GBP7: variants seen among roughly 807,000 people sequenced by gnomAD.
The protein encoded by GBP7 is guanylate-binding protein 7.
GBP7 carries 43 observed loss-of-function variants against 61.3 expected under a neutral mutation model. That is an observed-to-expected ratio of 0.70 (90% CI 0.55 to 0.91). The LOEUF (loss-of-function observed/expected upper bound fraction) is 0.91. Among genes scored for constraint, GBP7 ranks in the 40% least tolerant of loss-of-function variants. The probability of loss-of-function intolerance (pLI) is 0.00; values close to 1 mark genes in which losing one functional copy is unlikely to be tolerated. For missense variants in GBP7, 717 were observed against 740.5 expected, an observed-to-expected ratio of 0.97 and a Z score of 0.37; for synonymous variants, 267 against 271.0, an observed-to-expected ratio of 0.99 and a Z score of 0.14.
At chr1:89,173,955 G>C (rs1222228268) in intron 1 of GBP7, among the ~76,000 whole-genome samples, 1 of 151,990 alleles carries the variant, frequency 6.6e-6, no homozygotes, top group African/African-American at 2.4e-5. Flanking sequence ...TCTGGTTTAC[G>C]CTTCTTGGAT....
At chr1:89,162,321 AT>A (rs1366661804) in intron 3 of GBP7, among the ~76,000 whole-genome samples, 2 of 152,140 alleles carry the variant, frequency 1.3e-5, no homozygotes, top group Non-Finnish European at 2.9e-5. Flanking sequence ...AAGAATCTCA[AT>A]GGTAGTTTAA....
At position 89,133,330 on chromosome 1, in the gene GBP7, G is replaced by T. The variant is rs115671591; in HGVS notation, c.1590C>A (p.Leu530=). Residue 530 remains leucine, a synonymous_variant, in exon 10 of 11, where the codon CTC becomes CTA. Coordinates refer to ENST00000294671, the MANE Select transcript of GBP7 (RefSeq NM_207398.3). Reference sequence around the variant, plus strand: ...CCCTTTCCCTCTCCATCTTCTTCTTGAGTTGAGCTATGTTTTCCTGGAAAC... The same window carrying T: ...CCCTTTCCCTCTCCATCTTCTTCTTTAGTTGAGCTATGTTTTCCTGGAAAC... ...ERSFQENIAQ[L]KKKMEREREN... is the part of the protein sequence containing the mutation. The T allele has an allele frequency of 0.024, 38,533 of 1,613,392 alleles. 562 individuals carry two copies. Among genetic ancestry groups the T allele is most frequent in the Middle Eastern group, 0.056 (340 of 6,062 alleles).
At chr1:89,143,033 G>T (rs537208935) in intron 8 of GBP7, among the ~76,000 whole-genome samples, 1 of 152,282 alleles carries the variant, frequency 6.6e-6, no homozygotes, top group African/African-American at 2.4e-5. Flanking sequence ...TCTTTTAAGT[G>T]AATGTATATA....
chr1:89,148,353 G>A (rs997894256), intron 7 of GBP7, among the ~76,000 whole-genome samples: 12 of 152,318 alleles, frequency 7.9e-5, no homozygotes, highest in African/African-American at 2.4e-4. Context: ...CAGTGCCAAT[G>A]GCAGATTTAA....
chr1:89,166,243 T>C (rs931153408), intron 2 of GBP7, among the ~76,000 whole-genome samples: 6 of 152,194 alleles, frequency 3.9e-5, no homozygotes, highest in African/African-American at 1.4e-4. Flanking sequence ...TTCATCTTCA[T>C]GTAGTGATTC....
At chr1:89,159,777 G>T (rs533243192) in intron 3 of GBP7, among the ~76,000 whole-genome samples, 9 of 152,348 alleles carry the variant, frequency 5.9e-5, no homozygotes, top group Non-Finnish European at 1.2e-4. Flanking sequence ...CCGTAATCTA[G>T]TTCAACCATG....
chr1:89,132,454 C>G, intron 10 of GBP7, 51 bp from the exon 11 acceptor site: 1 of 1,392,502 alleles, frequency 7.2e-7, no homozygotes, highest in Non-Finnish European at 9.8e-7. Flanking sequence ...TTTAAGAGAC[C>G]GAGGTTTGTA....
At chr1:89,151,378 A>T (rs1042413276) in intron 5 of GBP7, among the ~76,000 whole-genome samples, 1 of 152,234 alleles carries the variant, frequency 6.6e-6, no homozygotes, top group African/African-American at 2.4e-5. Flanking sequence ...CCATGTCAGA[A>T]ATGAAATGTT....
At position 89,141,520 on chromosome 1, in the gene GBP7, C is replaced by T. The variant is rs759381138; in HGVS notation, c.1468+26G>A. On this transcript the variant is annotated intron_variant, in intron 9 of 10. Transcript: ENST00000294671. ...GTGTTGCAAGAACCTACCCATTTGC[C>T]TGAGAGCTGAGCCCTGCCCCTGTAC... 5 of 1,602,510 alleles carry T rather than the reference C, an allele frequency of 3.1e-6. No homozygotes were observed. The African/African-American group carries it at 6.7e-5, about 21-fold the overall frequency.
chr1:89,133,215 T>A (rs774927436), intron 10 of GBP7, 43 bp downstream of exon 10: 5 of 1,491,872 alleles, frequency 3.4e-6, no homozygotes, highest in Non-Finnish European at 4.6e-6. Flanking sequence ...AATGAGGAAC[T>A]GGCATTGTGC....
At chr1:89,175,329 C>G (rs1253606706) in intron 1 of GBP7, among the ~76,000 whole-genome samples, 1 of 152,134 alleles carries the variant, frequency 6.6e-6, no homozygotes, top group Non-Finnish European at 1.5e-5. Context: ...CCCATTTCCT[C>G]TTATAGCAAT....
rs1440641210 is a variant in GBP7, at chr1:89,150,507, TC to T, written c.693del (p.Lys232SerfsTer9). On this transcript the variant is annotated frameshift_variant, in exon 6 of 11. Transcript: ENST00000294671. LOFTEE classifies it high-confidence loss of function. ...REWIRHFFPK[Q>X]KCFVFDRPIN... ...ATTGGCCGGTCAAAGACAAAGCACTTCTGTTTTGGAAAGAAATGCCTGATCC... is the reference window on the plus strand; with the variant it reads ...ATTGGCCGGTCAAAGACAAAGCACTTTGTTTTGGAAAGAAATGCCTGATCC... The T allele has an allele frequency of 2.5e-6, 4 of 1,614,062 alleles. No homozygotes were observed. The highest frequency in any genetic ancestry group is 3.4e-6 in the Non-Finnish European group (4 of 1,179,944).
intron 2 of GBP7, among the ~76,000 whole-genome samples, chr1:89,165,407 G>C (rs748540946): frequency 2.6e-5 from 4 of 152,036 alleles, no homozygotes; most frequent in Non-Finnish European, 4.4e-5. Context: ...GGCTGAGGTA[G>C]GGGAGTCGCT....
intron 3 of GBP7, among the ~76,000 whole-genome samples, chr1:89,159,127 G>C (rs1412036204): frequency 1.3e-5 from 2 of 152,052 alleles, no homozygotes; most frequent in East Asian, 3.9e-4. Context: ...TTCCCTATTT[G>C]ATAAATGGTG....
At chr1:89,141,475 T>G in intron 9 of GBP7, 71 bp downstream of exon 9, 1 of 1,369,490 alleles carries the variant, frequency 7.3e-7, no homozygotes, top group East Asian at 2.3e-5. Context: ...GGAAAATCCT[T>G]TTTTCTGAAC....
chr1:89,159,346 C>T (rs1467805384), intron 3 of GBP7, among the ~76,000 whole-genome samples: 1 of 152,016 alleles, frequency 6.6e-6, no homozygotes. Context: ...GCAACAAAAG[C>T]CAAAATAGAC....
intron 2 of GBP7, 42 bp downstream of exon 2, chr1:89,171,704 T>C: frequency 6.4e-7 from 1 of 1,570,530 alleles, no homozygotes; most frequent in Admixed American, 1.7e-5. Context: ...ACTGTGTAAC[T>C]GGACAGATGG....
intron 3 of GBP7, among the ~76,000 whole-genome samples, chr1:89,161,176 A>C (rs984748983): frequency 6.6e-6 from 1 of 152,130 alleles, no homozygotes; most frequent in Non-Finnish European, 1.5e-5. Flanking sequence ...TATCTAGTCT[A>C]TCATTTATGG....
At chr1:89,135,934 A>G (rs1681790966) in intron 9 of GBP7, among the ~76,000 whole-genome samples, 1 of 152,232 alleles carries the variant, frequency 6.6e-6, no homozygotes, top group African/African-American at 2.4e-5. Flanking sequence ...ATATGCAATT[A>G]CACCAATAGG....
Sources: allele counts gnomAD v4.1 joint callset (sites outside exome capture counted in the v4.1 genomes callset), GRCh38; gene constraint gnomAD v4.1.1; transcripts MANE v1.5; gene names NCBI Gene and HGNC (gene_info 2026-07-23, HGNC 2026-07-21).